BCL2L12: variants seen among roughly 807,000 people sequenced by gnomAD.
BCL2L12 encodes BCL2 like 12, also known as bcl-2-like protein 12.
BCL2L12 carries 27 observed loss-of-function variants against 25.7 expected under a neutral mutation model. The observed-to-expected ratio is 1.05, with a 90% CI of 0.78 to 1.45. The LOEUF is 1.45. Ranked by LOEUF, BCL2L12 falls within the 40% of genes most tolerant of loss-of-function variation. BCL2L12 has a pLI of 0.00. For synonymous variants in BCL2L12, 132 were observed against 145.6 expected, an observed-to-expected ratio of 0.91 and a Z score of 0.67; for missense variants, 302 against 329.8, an observed-to-expected ratio of 0.92 and a Z score of 0.65.
chr19:49,666,403 T>A (rs1325850078), intron 1 of BCL2L12, among the ~76,000 whole-genome samples: 2 of 152,114 alleles, frequency 1.3e-5, no homozygotes, highest in Non-Finnish European at 2.9e-5. Flanking sequence ...CTCCAGTTCC[T>A]TTTTCTCTAA....
intron 5 of BCL2L12, among the ~76,000 whole-genome samples, chr19:49,669,333 C>T (rs765690904): frequency 2.0e-5 from 3 of 151,858 alleles, no homozygotes; most frequent in Non-Finnish European, 4.4e-5. Context: ...GTCAGGAGTT[C>T]GAGACCAGCC....
At chr19:49,665,293 A>G (rs1411563092), upstream of BCL2L12, 1 of 175,060 alleles carries the variant, frequency 5.7e-6, no homozygotes, top group East Asian at 1.6e-4. Context: ...AAACATTTCC[A>G]ACACAGAACT....
chr19:49,671,929 C>A (rs531062017), intron 6 of BCL2L12, among the ~76,000 whole-genome samples: 23 of 152,330 alleles, frequency 1.5e-4, no homozygotes, highest in Admixed American at 1.4e-3. Flanking sequence ...CGCCCTCCTT[C>A]CCCCTTCCTG....
chr19:49,668,165 G>A (rs944309386), intron 3 of BCL2L12, among the ~76,000 whole-genome samples: 1 of 147,260 alleles, frequency 6.8e-6, no homozygotes, highest in African/African-American at 2.5e-5. Flanking sequence ...GCCCGATCTC[G>A]GCTCACCACA....
At position 49,666,062 on chromosome 19, in the gene BCL2L12, G is replaced by C; in HGVS notation, c.-14G>C. 6.5e-7 allele frequency: 1 copy of C among 1,549,834 alleles called. No homozygotes were observed. Among genetic ancestry groups the C allele is most frequent in the Non-Finnish European group, 8.7e-7 (1 of 1,144,916 alleles). On this transcript the variant is annotated 5_prime_UTR_variant, in exon 1 of 7. Transcript: ENST00000246784. ...TGGAGGAGGCGGCGGTGGGGCCCCGGACCAGGTCAGCGGGGTGTTGACGAG... is the reference window on the plus strand; with the variant it reads ...TGGAGGAGGCGGCGGTGGGGCCCCGCACCAGGTCAGCGGGGTGTTGACGAG...
rs764933923 is a variant in BCL2L12 at position 49,667,206 on chromosome 19, A to T, written c.250+45A>T. 1.9e-6 allele frequency: 3 copies of T among 1,598,778 alleles called. No homozygotes were observed. The Admixed American group carries it at 5.0e-5, about 27-fold the overall frequency. ...ATCTATGAAGCCGGCAGAACACGGG[A>T]TAAGGTGCTAGTTTAAGATCACTCA... is the stretch of plus-strand genomic sequence containing the variant. On this transcript the variant is annotated intron_variant, in intron 3 of 6. Transcript: ENST00000246784.
In BCL2L12 at chr19:49,673,852, G is replaced by C; in HGVS notation, c.*104G>C. On this transcript the variant is annotated 3_prime_UTR_variant, in exon 7 of 7. Transcript: ENST00000246784. ...CACTCAGGGCTGTGGGGTGGTGGTTGCCCTACCTGTTTTTGCCAAAAATAA... is the reference window on the plus strand; with the variant it reads ...CACTCAGGGCTGTGGGGTGGTGGTTCCCCTACCTGTTTTTGCCAAAAATAA... 1 of 1,347,736 alleles carries C rather than the reference G, an allele frequency of 7.4e-7. No individual in the cohort carries two copies. Among genetic ancestry groups the C allele is most frequent in the Admixed American group, 2.1e-5 (1 of 47,534 alleles). The allele number at this position is 1,347,736 out of a possible 1,614,324, so 83.5% of individuals were successfully genotyped here. A position where few individuals can be genotyped will look rare whatever the true frequency, so the allele number is the denominator to read the frequency against.
chr19:49,670,902 G>C (rs1348485817), intron 6 of BCL2L12, among the ~76,000 whole-genome samples: 1 of 152,180 alleles, frequency 6.6e-6, no homozygotes, highest in Non-Finnish European at 1.5e-5. Context: ...GCTCACACCT[G>C]TAATCCCAGC....
In BCL2L12 at chr19:49,669,252, G is replaced by A. The variant is rs1473420881; in HGVS notation, c.429+137G>A. The A allele has an allele frequency of 4.8e-6, 7 of 1,458,144 alleles. No homozygotes were observed. In the Admixed American group the frequency reaches 1.6e-4, roughly 34 times the overall value. 90.3% of individuals were successfully genotyped at this position (1,458,144 alleles called of 1,614,324 possible). A position where few individuals can be genotyped will look rare whatever the true frequency, so the allele number is the denominator to read the frequency against. On this transcript the variant is annotated intron_variant, in intron 5 of 6. Transcript: ENST00000246784. ...TGGGACAAGGTTTCAATGAAGGGTT[G>A]AGGCCGGGTGTGGTGGCTCACGCCT...
chr19:49,665,864 T>C (rs2081714917), upstream of BCL2L12: 1 of 1,609,866 alleles, frequency 6.2e-7, no homozygotes. Context: ...CTATGCCCTT[T>C]TTTGGGTTTC....
chr19:49,668,314 C>T (rs1166962589), intron 3 of BCL2L12, among the ~76,000 whole-genome samples: 2 of 151,536 alleles, frequency 1.3e-5, no homozygotes. Context: ...GGTCAGGCTG[C>T]TCTCGAACTC....
chr19:49,665,202 C>G, upstream of BCL2L12: 1 of 246,322 alleles, frequency 4.1e-6, no homozygotes, highest in Non-Finnish European at 8.1e-6. Context: ...AGTGCAGAAT[C>G]GATTCACGTG....
chr19:49,670,393 AGCCGGCGCGTG>A lies in BCL2L12; in HGVS notation c.613_623del (p.Arg205AlafsTer53). The A allele has an allele frequency of 1.3e-6, 2 of 1,558,976 alleles. No homozygotes were observed. The highest frequency in any genetic ancestry group is 1.7e-6 in the Non-Finnish European group (2 of 1,155,610). On this transcript the variant is annotated frameshift_variant, in exon 6 of 7. Coordinates refer to ENST00000246784, the MANE Select transcript of BCL2L12 (RefSeq NM_138639.2). LOFTEE classifies it high-confidence loss of function. ...CCGCCTGGCCCTAGCCATGGAGCTG[AGCCGGCGCGTG>A]GCCGGGCTGGGGGGCACCCTGGCCG...
In BCL2L12 at chr19:49,668,897, A is replaced by G. The variant is rs772936509; in HGVS notation, c.297A>G (p.Glu99=). The G allele has an allele frequency of 2.5e-6, 4 of 1,613,512 alleles. No individual in the cohort carries two copies. In the African/African-American group the frequency reaches 5.3e-5, roughly 22 times the overall value. ...ATGCTTTGGTGGCCCAGCGGCTGGAACAGCTGGTCCAAGAGCAGCTGAAAT... is the reference window on the plus strand; with the variant it reads ...ATGCTTTGGTGGCCCAGCGGCTGGAGCAGCTGGTCCAAGAGCAGCTGAAAT... ...DFYALVAQRL[E]QLVQEQLKSP... is the part of the protein sequence containing the mutation. The change falls in exon 4 of 7, where the codon GAA becomes GAG. Residue 99 remains glutamate, a synonymous_variant. Transcript: ENST00000246784.
intron 1 of BCL2L12, 82 bp downstream of exon 1, chr19:49,666,149 T>C: frequency 6.8e-7 from 1 of 1,464,246 alleles, no homozygotes. Context: ...CCAGTCCCGC[T>C]TCTCTGATAT....
chr19:49,666,939 G>C (rs999093814), intron 2 of BCL2L12, 80 bp from the exon 3 acceptor site: 1 of 1,557,558 alleles, frequency 6.4e-7, no homozygotes, highest in Non-Finnish European at 8.7e-7. Context: ...GGTCCTCAGC[G>C]GGGGAGGGAG....
chr19:49,666,722 G>A lies in BCL2L12; in HGVS notation c.30G>A (p.Arg10=), dbSNP rs753521992. 4 of 1,556,002 alleles carry A rather than the reference G, an allele frequency of 2.6e-6. No homozygotes were observed. The highest frequency in any genetic ancestry group is 1.7e-4 in the Middle Eastern group (1 of 5,990). ...CAGGCTCTGAAGAGCTGGGGCTCCGGGAAGACACGCTGAGGGTCCTAGCTG... is the reference window on the plus strand; with the variant it reads ...CAGGCTCTGAAGAGCTGGGGCTCCGAGAAGACACGCTGAGGGTCCTAGCTG... MAGSEELGL[R]EDTLRVLAAF... is the part of the protein sequence containing the mutation. Residue 10 remains arginine, a synonymous_variant, in exon 2 of 7, where the codon CGG becomes CGA. Transcript: ENST00000246784.
At chr19:49,665,624 G>A (rs751648379), upstream of BCL2L12, 24 of 645,776 alleles carry the variant, frequency 3.7e-5, no homozygotes, top group Non-Finnish European at 5.9e-5. Flanking sequence ...GGGCTCTTCC[G>A]CGTTACCTAC....
At chr19:49,673,400 T>C (rs1568480826) in intron 6 of BCL2L12, among the ~76,000 whole-genome samples, 6 of 151,312 alleles carry the variant, frequency 4.0e-5, no homozygotes, top group Admixed American at 6.6e-5. Context: ...ATCCCAAGAC[T>C]CTCTTCCCCA....
Sources: gnomAD v4.1 joint callset for allele counts (sites outside exome capture counted in the v4.1 genomes callset) on GRCh38, gnomAD v4.1.1 for gene constraint, MANE v1.5 for transcripts, NCBI Gene and HGNC (gene_info 2026-07-23, HGNC 2026-07-21) for gene names.